Variants in SUCLA2 observed in about 807,000 individuals in gnomAD.
The protein encoded by SUCLA2 is succinate-CoA ligase ADP-forming subunit beta.
In SUCLA2, 30 loss-of-function variants were observed where a neutral mutation model predicts 54.8. The ratio of observed to expected loss-of-function variants is 0.55; its 90% CI spans 0.41 to 0.74. The LOEUF (loss-of-function observed/expected upper bound fraction) is 0.74. Among genes scored for constraint, SUCLA2 ranks in the 30% least tolerant of loss-of-function variants. The probability of loss-of-function intolerance (pLI) is 0.00; values close to 1 mark genes in which losing one functional copy is unlikely to be tolerated. For synonymous variants in SUCLA2, 172 were observed against 188.9 expected, an observed-to-expected ratio of 0.91 and a Z score of 0.74; for missense variants, 476 against 562.9, an observed-to-expected ratio of 0.85 and a Z score of 1.56.
chr13:47,975,131 CAA>C (rs1450046500), intron 4 of SUCLA2, among the ~76,000 whole-genome samples: 1 of 149,290 alleles, frequency 6.7e-6, no homozygotes, highest in African/African-American at 2.5e-5. Context: ...TTTTTTTAAT[CAA>C]AAGACTAATT....
At chr13:47,961,197 T>A (rs955712272) in intron 6 of SUCLA2, among the ~76,000 whole-genome samples, 5 of 152,194 alleles carry the variant, frequency 3.3e-5, no homozygotes, top group Non-Finnish European at 5.9e-5. Flanking sequence ...AATTTTGGTT[T>A]TTGCTTTTGA....
intron 6 of SUCLA2, among the ~76,000 whole-genome samples, chr13:47,961,565 T>C (rs1041123399): frequency 1.3e-5 from 2 of 152,178 alleles, no homozygotes; most frequent in Non-Finnish European, 2.9e-5. Context: ...CCAAGAGAGA[T>C]ATATCAGGCT....
intron 4 of SUCLA2, among the ~76,000 whole-genome samples, chr13:47,978,561 C>A (rs1348189961): frequency 1.3e-5 from 2 of 152,080 alleles, no homozygotes; most frequent in Admixed American, 1.3e-4. Context: ...CCATAAAAAC[C>A]CTAGAAGAAA....
At chr13:47,949,054 A>G (rs1949756838) in intron 9 of SUCLA2, 26 bp from the exon 10 acceptor site, 1 of 1,602,124 alleles carries the variant, frequency 6.2e-7, no homozygotes, top group Non-Finnish European at 8.6e-7. Context: ...GCAAATATAA[A>G]TGTTTTAAAT....
intron 4 of SUCLA2, among the ~76,000 whole-genome samples, chr13:47,976,901 T>TTTATAC (rs1371775441): frequency 1.3e-5 from 2 of 151,890 alleles, no homozygotes; most frequent in African/African-American, 4.8e-5. Context: ...TCAACCTATA[T>TTTATAC]TTATACCACA....
chr13:47,978,917 C>T (rs4942730), intron 4 of SUCLA2, among the ~76,000 whole-genome samples: 94,801 of 151,914 alleles, frequency 0.62, 30,518 homozygotes, highest in East Asian at 0.77. Flanking sequence ...CGAAAAAAAG[C>T]TTATCATCAC....
chr13:47,988,658 T>A lies in SUCLA2; in HGVS notation c.417A>T (p.Lys139Asn). 1 of 1,613,914 alleles carries A rather than the reference T, an allele frequency of 6.2e-7. No homozygotes were observed. The highest frequency in any genetic ancestry group is 8.5e-7 in the Non-Finnish European group (1 of 1,179,928). Residue 139 changes from lysine to asparagine, a missense_variant, in exon 4 of 11, where the codon AAA becomes AAT. Transcript: ENST00000646932. The stretch of plus-strand genomic sequence containing the variant: ...TTTCTCCCGTTTGCTTGGTAAACAA[T>A]TTTTTCCCAATCATTTGTGAAGAAA... ...KAVSSQMIGK[K>N]LFTKQTGEKG...
chr13:47,959,738 C>A (rs1338868436), intron 6 of SUCLA2, among the ~76,000 whole-genome samples: 4 of 152,116 alleles, frequency 2.6e-5, no homozygotes, highest in Non-Finnish European at 4.4e-5. Context: ...TTCTTTAAAA[C>A]CTGAGAATGA....
rs369690029 is a variant in SUCLA2 at position 47,943,464 on chromosome 13, G to A, written c.1318-19C>T. 8.1e-6 allele frequency: 13 copies of A among 1,612,700 alleles called. No homozygotes were observed. In the African/African-American group the frequency reaches 1.5e-4, roughly 18 times the overall value. ...TTACAACCTAAAAGAAAAGAACGAA[G>A]AATTTTCACAAAAAGGTAAATTCAG... On this transcript the variant is annotated intron_variant, in intron 10 of 10. Transcript: ENST00000646932.
intron 2 of SUCLA2, among the ~76,000 whole-genome samples, chr13:47,989,404 G>A (rs1037153855): frequency 6.6e-6 from 1 of 151,844 alleles, no homozygotes; most frequent in Non-Finnish European, 1.5e-5. Flanking sequence ...GTAGAGACAG[G>A]GTTTCACCAT....
At chr13:47,970,784 C>T (rs1364775850) in intron 5 of SUCLA2, among the ~76,000 whole-genome samples, 5 of 152,140 alleles carry the variant, frequency 3.3e-5, no homozygotes, top group South Asian at 4.2e-4. Context: ...CGCTTGAACC[C>T]GGGAGGCAGA....
chr13:47,988,612 C>T lies in SUCLA2; in HGVS notation c.463G>A (p.Val155Ile), dbSNP rs755877616. ...TGEKGRICNQVLVCERKYPRR... is the reference protein window; with the variant it reads ...TGEKGRICNQILVCERKYPRR... The stretch of plus-strand genomic sequence containing the variant: ...GGATATTTTCGCTCACAGACCAATA[C>T]TTGATTGCATATTCTGCCCTTTTCT... The change falls in exon 4 of 11, where the codon GTA becomes ATA. Residue 155 changes from valine to isoleucine, a missense_variant. Val to Ile is a conservative substitution (Grantham distance 29, BLOSUM62 3). Coordinates refer to ENST00000646932, the MANE Select transcript of SUCLA2 (RefSeq NM_003850.3). 6.8e-6 allele frequency: 11 copies of T among 1,613,968 alleles called. No homozygotes were observed. In the East Asian group the frequency reaches 2.5e-4, roughly 36 times the overall value.
intron 8 of SUCLA2, among the ~76,000 whole-genome samples, chr13:47,951,989 TAAAAAAAA>T (rs11404279): frequency 7.6e-6 from 1 of 131,062 alleles, no homozygotes; most frequent in Non-Finnish European, 1.6e-5. Context: ...CATGCCTTTG[TAAAAAAAA>T]AAAAAAAAAA....
At chr13:47,956,625 A>T (rs1159272528) in intron 6 of SUCLA2, among the ~76,000 whole-genome samples, 1 of 152,244 alleles carries the variant, frequency 6.6e-6, no homozygotes, top group Non-Finnish European at 1.5e-5. Flanking sequence ...TTCAGGCTCA[A>T]GGGATGTAAC....
chr13:47,990,450 G>T (rs894909799), intron 2 of SUCLA2, among the ~76,000 whole-genome samples: 9 of 151,894 alleles, frequency 5.9e-5, no homozygotes, highest in African/African-American at 2.2e-4. Context: ...AAAATATTAT[G>T]TATCAGTTAA....
chr13:47,958,889 C>A (rs961987306), intron 6 of SUCLA2, among the ~76,000 whole-genome samples: 1 of 152,094 alleles, frequency 6.6e-6, no homozygotes, highest in African/African-American at 2.4e-5. Context: ...AATGAAAGAA[C>A]TGAATACTTG....
At chr13:47,978,942 A>G (rs1010869953) in intron 4 of SUCLA2, among the ~76,000 whole-genome samples, 1 of 152,276 alleles carries the variant, frequency 6.6e-6, no homozygotes, top group Non-Finnish European at 1.5e-5. Flanking sequence ...CATTAGAGAA[A>G]TGCAAATCAA....
chr13:47,981,533 C>G (rs1306992940), intron 4 of SUCLA2, among the ~76,000 whole-genome samples: 1 of 152,126 alleles, frequency 6.6e-6, no homozygotes, highest in Non-Finnish European at 1.5e-5. Flanking sequence ...TGGTACGGCT[C>G]AGCTAGGTGC....
In SUCLA2 at chr13:47,972,671, A is replaced by G. The variant is rs1949977220; in HGVS notation, c.663+593T>C. Among the ~76,000 whole-genome samples the G allele has an allele frequency of 1.0e-4, 15 of 146,638 alleles. No individual in the cohort carries two copies. In the South Asian group the frequency reaches 3.2e-3, roughly 31 times the overall value. ...GTGACGGAGCAAGACTCCGTCTTAA[A>G]AAAAAAAAAAAAAGAAAGAAAGAAA... is the stretch of plus-strand genomic sequence containing the variant. On this transcript the variant is annotated intron_variant, in intron 5 of 10. Transcript: ENST00000646932.
Sources: allele counts gnomAD v4.1 joint callset (sites outside exome capture counted in the v4.1 genomes callset), GRCh38; gene constraint gnomAD v4.1.1; transcripts MANE v1.5; gene names NCBI Gene and HGNC (gene_info 2026-07-23, HGNC 2026-07-21).